The following CCDC12 variants were observed in gnomAD, a reference collection of about 807,000 sequenced individuals.
The protein encoded by CCDC12 is coiled-coil domain-containing protein 12.
In CCDC12, 28 loss-of-function variants were observed where a neutral mutation model predicts 25.7. The observed-to-expected ratio is 1.09, with a 90% CI of 0.81 to 1.50. CCDC12 has a LOEUF of 1.50. Ranked by LOEUF, CCDC12 falls within the 40% of genes most tolerant of loss-of-function variation. The pLI is 0.00. For missense variants in CCDC12, 198 were observed against 210.0 expected, an observed-to-expected ratio of 0.94 and a Z score of 0.35; for synonymous variants, 75 against 87.7, an observed-to-expected ratio of 0.86 and a Z score of 0.81.
chr3:46,926,434 A>G (rs565593689), intron 2 of CCDC12, among the ~76,000 whole-genome samples: 2 of 152,330 alleles, frequency 1.3e-5, no homozygotes, highest in African/African-American at 4.8e-5. Context: ...AGGAGCCACA[A>G]GGGGCCAGAA....
chr3:46,955,972 T>C (rs1002625890), intron 1 of CCDC12, among the ~76,000 whole-genome samples: 7 of 152,214 alleles, frequency 4.6e-5, no homozygotes, highest in Admixed American at 2.0e-4. Context: ...TGCATACAAA[T>C]GACCAGGTTC....
chr3:46,964,846 C>G (rs1373846117), intron 1 of CCDC12, among the ~76,000 whole-genome samples: 1 of 152,116 alleles, frequency 6.6e-6, no homozygotes, highest in African/African-American at 2.4e-5. Flanking sequence ...CCTAGGAAAA[C>G]CAGAGACCTT....
At chr3:46,976,546 CTT>C (rs1404578961) in intron 1 of CCDC12, 89 bp downstream of exon 1, 3 of 1,493,960 alleles carry the variant, frequency 2.0e-6, no homozygotes, top group Non-Finnish European at 2.7e-6. Flanking sequence ...CGGCAGCTGT[CTT>C]TCCTTATTAG....
intron 1 of CCDC12, among the ~76,000 whole-genome samples, chr3:46,972,110 T>G (rs954080447): frequency 6.6e-6 from 1 of 152,134 alleles, no homozygotes; most frequent in African/African-American, 2.4e-5. Context: ...ACACTAAAAA[T>G]ACATGCAACA....
chr3:46,938,898 C>A (rs2033576266), intron 2 of CCDC12, among the ~76,000 whole-genome samples: 1 of 152,146 alleles, frequency 6.6e-6, no homozygotes, highest in Non-Finnish European at 1.5e-5. Context: ...TTTCCCTAAT[C>A]CTGTTTCCTC....
intron 2 of CCDC12, among the ~76,000 whole-genome samples, chr3:46,936,734 A>T (rs1038143041): frequency 6.6e-6 from 1 of 152,302 alleles, no homozygotes; most frequent in South Asian, 2.1e-4. Context: ...GAAAAAAAAA[A>T]TTTAAAGCAT....
chr3:46,960,414 T>C (rs970886336), intron 1 of CCDC12, among the ~76,000 whole-genome samples: 2 of 152,238 alleles, frequency 1.3e-5, no homozygotes, highest in Non-Finnish European at 2.9e-5. Context: ...CAGGTGCTTT[T>C]TCTTCAGGAT....
chr3:46,959,315 G>A (rs2034394224), intron 1 of CCDC12, among the ~76,000 whole-genome samples: 1 of 152,136 alleles, frequency 6.6e-6, no homozygotes, highest in African/African-American at 2.4e-5. Flanking sequence ...TGGTACTCTG[G>A]GCCAGTTTAG....
chr3:46,970,076 T>C (rs1314120036), intron 1 of CCDC12, among the ~76,000 whole-genome samples: 1 of 152,094 alleles, frequency 6.6e-6, no homozygotes, highest in Admixed American at 6.5e-5. Context: ...GGTTAATTTT[T>C]TGTATTTTTT....
At chr3:46,945,780 T>C (rs1216661877) in intron 1 of CCDC12, among the ~76,000 whole-genome samples, 1 of 152,274 alleles carries the variant, frequency 6.6e-6, no homozygotes, top group East Asian at 1.9e-4. Flanking sequence ...TTGAATTTAC[T>C]GGCACAAAGT....
At chr3:46,923,902 C>A in intron 3 of CCDC12, 1 of 397,632 alleles carries the variant, frequency 2.5e-6, no homozygotes, top group Admixed American at 4.3e-5. Flanking sequence ...CAGCAGGAGG[C>A]AGCCAGCCAC....
upstream of CCDC12, chr3:46,976,933 C>G (rs1423252862): frequency 7.3e-5 from 45 of 615,990 alleles, no homozygotes; most frequent in Non-Finnish European, 9.9e-5. Flanking sequence ...TTCCGGACAA[C>G]TTGCCTAGTG....
chr3:46,952,652 G>A (rs985574362), intron 1 of CCDC12, among the ~76,000 whole-genome samples: 2 of 152,152 alleles, frequency 1.3e-5, no homozygotes, highest in African/African-American at 4.8e-5. Flanking sequence ...GAACCCAAAT[G>A]TCACTCTTCT....
intron 1 of CCDC12, among the ~76,000 whole-genome samples, chr3:46,956,223 T>C (rs1278271276): frequency 6.6e-6 from 1 of 152,152 alleles, no homozygotes; most frequent in African/African-American, 2.4e-5. Context: ...TATGAGCTGA[T>C]AGAGGATAAA....
chr3:46,976,438 G>A lies in CCDC12; in HGVS notation c.96+199C>T, dbSNP rs138852955. 8,781 of 1,415,022 alleles carry A rather than the reference G, an allele frequency of 6.2e-3. 42 individuals carry two copies. The highest frequency in any genetic ancestry group is 7.2e-3 in the Non-Finnish European group (7,866 of 1,087,836). The allele number at this position is 1,415,022 out of a possible 1,614,324, so 87.7% of individuals were successfully genotyped here. A position where few individuals can be genotyped will look rare whatever the true frequency, so the allele number is the denominator to read the frequency against. On this transcript the variant is annotated intron_variant, in intron 1 of 6. Transcript: ENST00000683445. Reference sequence around the variant, plus strand: ...CCACCCCCGCGCATGCGCGACGACCGCACCAGCGCCAGAGGAGTCCCACGC... The same window carrying A: ...CCACCCCCGCGCATGCGCGACGACCACACCAGCGCCAGAGGAGTCCCACGC...
upstream of CCDC12, among the ~76,000 whole-genome samples, chr3:46,981,638 C>T (rs148875468): frequency 2.2e-4 from 33 of 152,268 alleles, no homozygotes; most frequent in East Asian, 5.8e-3. Context: ...GAAGAGAAGC[C>T]TACCCTAGTC....
At chr3:46,923,772 C>A (rs979135768) in intron 3 of CCDC12, 104 bp from the exon 4 acceptor site, 12 of 986,854 alleles carry the variant, frequency 1.2e-5, no homozygotes, top group Non-Finnish European at 1.3e-5. Flanking sequence ...CCCCAGGCTT[C>A]CTTGCTCCCA....
intron 1 of CCDC12, 83 bp downstream of exon 1, chr3:46,976,554 A>G: frequency 1.3e-6 from 2 of 1,521,878 alleles, no homozygotes; most frequent in South Asian, 1.2e-5. Context: ...GTCTTTCCTT[A>G]TTAGCCCTTT....
intron 1 of CCDC12, among the ~76,000 whole-genome samples, chr3:46,960,606 T>C (rs1244837512): frequency 1.3e-5 from 2 of 152,234 alleles, no homozygotes; most frequent in Non-Finnish European, 1.5e-5. Context: ...CAGGGCACCG[T>C]TGCCGAAGCA....
Sources: allele counts gnomAD v4.1 joint callset (sites outside exome capture counted in the v4.1 genomes callset), GRCh38; gene constraint gnomAD v4.1.1; transcripts MANE v1.5; gene names NCBI Gene and HGNC (gene_info 2026-07-23, HGNC 2026-07-21).